Variants in UTP4 observed in about 807,000 individuals in gnomAD.
UTP4 encodes U3 small nucleolar RNA-associated protein 4 homolog.
In UTP4, 45 loss-of-function variants were observed where a neutral mutation model predicts 82.4. The observed-to-expected ratio is 0.55, with a 90% confidence interval of 0.43 to 0.70. The LOEUF (loss-of-function observed/expected upper bound fraction) is 0.70. UTP4 is among the 30% of genes least tolerant of loss of function. The pLI, the probability that UTP4 is intolerant of heterozygous loss-of-function variation, is 0.00. For missense variants in UTP4, 819 were observed against 858.3 expected (o/e 0.95, Z 0.57); for synonymous variants, 348 against 300.3 (o/e 1.16, Z -1.64).
chr16:69,160,728 C>G (rs1963543556), intron 13 of UTP4, among the ~76,000 whole-genome samples: 1 of 151,512 alleles, frequency 6.6e-6, no homozygotes, highest in Non-Finnish European at 1.5e-5. Context: ...TCCTGAGTAG[C>G]TGGGATTACA....
chr16:69,154,507 C>T (rs766281940), intron 10 of UTP4, 50 bp downstream of exon 10: 38 of 1,291,014 alleles, frequency 2.9e-5, no homozygotes, highest in Non-Finnish European at 4.2e-5. Flanking sequence ...ATTCTAGGCT[C>T]ATAATTCCCA....
At chr16:69,155,108 G>A (rs1167914343) in intron 10 of UTP4, among the ~76,000 whole-genome samples, 1 of 152,188 alleles carries the variant, frequency 6.6e-6, no homozygotes, top group Non-Finnish European at 1.5e-5. Context: ...CTACATACAT[G>A]TTACATTCAA....
In UTP4 at chr16:69,157,083, G is replaced by A. The variant is rs765659680; in HGVS notation, c.1288-1G>A. 6.2e-7 allele frequency: 1 copy of A among 1,614,164 alleles called. No individual in the cohort carries two copies. The highest frequency in any genetic ancestry group is 8.5e-7 in the Non-Finnish European group (1 of 1,180,008). ...GGCTTTTATTATTGGTTCACCCAAA[G>A]GTTTCCAAAATGCCAGCATTCCTTC... On this transcript the variant is annotated splice_acceptor_variant, in intron 11 of 16. Transcript: ENST00000314423. LOFTEE classifies it high-confidence loss of function.
chr16:69,161,278 C>T (rs1963555703), intron 13 of UTP4, among the ~76,000 whole-genome samples: 1 of 152,206 alleles, frequency 6.6e-6, no homozygotes, highest in Admixed American at 6.5e-5. Flanking sequence ...AAGTCCTCAT[C>T]TTCATTATAA....
At chr16:69,137,113 A>G (rs1052082141) in intron 3 of UTP4, among the ~76,000 whole-genome samples, 9 of 152,202 alleles carry the variant, frequency 5.9e-5, no homozygotes, top group Admixed American at 1.3e-4. Context: ...TCAGTTCAAC[A>G]TTTCCCAAAC....
In UTP4 at chr16:69,150,551, C is replaced by G. The variant is rs767259669; in HGVS notation, c.753C>G (p.Phe251Leu). The change falls in exon 7 of 17, where the codon TTC becomes TTG. Residue 251 changes from phenylalanine to leucine, a missense_variant. Phe to Leu is a conservative substitution (Grantham distance 22). Coordinates refer to ENST00000314423, the MANE Select transcript of UTP4 (RefSeq NM_032830.3). ...TAATTCCTCAGCAAGAAGACAGTTT[C>G]GTGGTGGGCACAGCCGAGGGAACAG... ...SIAVADQEDS[F>L]VVGTAEGTVF... The G allele has an allele frequency of 6.2e-7, 1 of 1,614,208 alleles. No individual in the cohort carries two copies. The highest frequency in any genetic ancestry group is 1.1e-5 in the South Asian group (1 of 91,080).
At chr16:69,147,538 A>G (rs1280792696) in intron 6 of UTP4, among the ~76,000 whole-genome samples, 2 of 151,856 alleles carry the variant, frequency 1.3e-5, no homozygotes, top group Non-Finnish European at 2.9e-5. Context: ...TAATAATGCT[A>G]CTCTGAACAT....
At chr16:69,134,166 C>T (rs528986292) in intron 2 of UTP4, among the ~76,000 whole-genome samples, 3 of 152,162 alleles carry the variant, frequency 2.0e-5, no homozygotes, top group African/African-American at 7.2e-5. Context: ...TTTTTCTTCT[C>T]CCCTCCAAGG....
chr16:69,160,572 T>C (rs1299631518), intron 13 of UTP4, 110 bp downstream of exon 13: 1 of 775,448 alleles, frequency 1.3e-6, no homozygotes, highest in East Asian at 2.5e-5. Flanking sequence ...TTATTAGACT[T>C]TTTTCTTTTT....
At chr16:69,141,945 G>A (rs971532579) in intron 5 of UTP4, among the ~76,000 whole-genome samples, 6 of 151,026 alleles carry the variant, frequency 4.0e-5, no homozygotes, top group African/African-American at 1.5e-4. Flanking sequence ...CCATTAACTC[G>A]TCATTTAGCG....
chr16:69,143,491 A>G, intron 6 of UTP4, 102 bp downstream of exon 6: 2 of 1,011,228 alleles, frequency 2.0e-6, no homozygotes, highest in Admixed American at 3.9e-5. Context: ...CCTGATCCTG[A>G]TGTTGTACTG....
rs770780675 is a variant in UTP4, at chr16:69,165,322, A to G, written c.1648-19A>G. On this transcript the variant is annotated intron_variant, in intron 14 of 16. Coordinates refer to ENST00000314423, the MANE Select transcript of UTP4 (RefSeq NM_032830.3). ...TCTGAGTACCAGCCTGCATTTCTCTATGTCATGTCCTCCCTCAGGTATTTG... is the reference window on the plus strand; with the variant it reads ...TCTGAGTACCAGCCTGCATTTCTCTGTGTCATGTCCTCCCTCAGGTATTTG... 3 of 1,612,388 alleles carry G rather than the reference A, an allele frequency of 1.9e-6. No homozygotes were observed. Among genetic ancestry groups the G allele is most frequent in the South Asian group, 2.2e-5 (2 of 91,042 alleles).
At chr16:69,166,970 A>G (rs1963717097) in intron 15 of UTP4, 105 bp from the exon 16 acceptor site, 1 of 790,864 alleles carries the variant, frequency 1.3e-6, no homozygotes, top group Non-Finnish European at 2.3e-6. Context: ...CTGAATATAT[A>G]TGATGGTTAG....
intron 3 of UTP4, among the ~76,000 whole-genome samples, chr16:69,137,504 G>C (rs900522084): frequency 2.0e-5 from 3 of 152,206 alleles, no homozygotes; most frequent in Non-Finnish European, 2.9e-5. Flanking sequence ...TCTAGCAGAA[G>C]TATTCTATGA....
At chr16:69,133,801 A>T (rs1335082863) in intron 2 of UTP4, among the ~76,000 whole-genome samples, 183 bp downstream of exon 2, 1 of 152,184 alleles carries the variant, frequency 6.6e-6, no homozygotes, top group Non-Finnish European at 1.5e-5. Flanking sequence ...AATCTGTGTA[A>T]TGTTGATTAG....
intron 2 of UTP4, among the ~76,000 whole-genome samples, chr16:69,135,452 C>T (rs1235824843): frequency 1.3e-5 from 2 of 152,042 alleles, no homozygotes; most frequent in Non-Finnish European, 2.9e-5. Context: ...GTGGCTCACA[C>T]CTGTAAACCC....
rs1963772636 is a variant in UTP4, at chr16:69,168,945, C to A, written c.*8C>A. The A allele has an allele frequency of 6.6e-7, 1 of 1,520,378 alleles. No individual in the cohort carries two copies. The highest frequency in any genetic ancestry group is 9.1e-7 in the Non-Finnish European group (1 of 1,094,344). 94.2% of individuals were successfully genotyped at this position (1,520,378 alleles called of 1,614,324 possible). A position where few individuals can be genotyped will look rare whatever the true frequency, so the allele number is the denominator to read the frequency against. The stretch of plus-strand genomic sequence containing the variant: ...AAGAAATTTGGAACCTAAAACAGGG[C>A]ACTGTCTGTGTCCTTCCTTGAACTG... On this transcript the variant is annotated 3_prime_UTR_variant, in exon 17 of 17. Coordinates refer to ENST00000314423, the MANE Select transcript of UTP4 (RefSeq NM_032830.3).
At chr16:69,146,763 G>A (rs1295285096) in intron 6 of UTP4, among the ~76,000 whole-genome samples, 4 of 151,726 alleles carry the variant, frequency 2.6e-5, no homozygotes, top group African/African-American at 9.7e-5. Flanking sequence ...TTGGGAGGCC[G>A]AGGCGGGTGG....
intron 10 of UTP4, among the ~76,000 whole-genome samples, chr16:69,154,914 G>A (rs1869391614): frequency 1.3e-5 from 2 of 151,804 alleles, no homozygotes. Flanking sequence ...ATTTTTAGTA[G>A]AGATGGGGTT....
Sources: gnomAD v4.1 joint callset for allele counts (sites outside exome capture counted in the v4.1 genomes callset) on GRCh38, gnomAD v4.1.1 for gene constraint, MANE v1.5 for transcripts, NCBI Gene and HGNC (gene_info 2026-07-23, HGNC 2026-07-21) for gene names.